The following MYRIP variants were observed in gnomAD, a reference collection of about 807,000 sequenced individuals.
MYRIP encodes rab effector MyRIP.
MYRIP carries 49 observed loss-of-function variants against 98.0 expected under a neutral mutation model. That is an observed-to-expected ratio of 0.50 (90% confidence interval 0.40 to 0.63). The LOEUF is 0.63. Among genes scored for constraint, MYRIP ranks in the 30% least tolerant of loss-of-function variants. The probability of loss-of-function intolerance (pLI) is 0.00; values close to 1 mark genes in which losing one functional copy is unlikely to be tolerated. For missense variants in MYRIP, 1,004 were observed against 1,058.2 expected (o/e 0.95, Z 0.71); for synonymous variants, 404 against 409.5 (o/e 0.99, Z 0.16).
chr3:39,949,360 G>A (rs940228844), intron 2 of MYRIP, among the ~76,000 whole-genome samples: 1 of 152,062 alleles, frequency 6.6e-6, no homozygotes, highest in African/African-American at 2.4e-5. Context: ...AGTGTAAATT[G>A]ATTTTGAGTT....
intron 1 of MYRIP, among the ~76,000 whole-genome samples, chr3:39,853,120 C>T (rs1452531445): frequency 1.3e-5 from 2 of 152,134 alleles, no homozygotes; most frequent in African/African-American, 4.8e-5. Flanking sequence ...TATTTCATAG[C>T]ATATGTATAC....
At chr3:40,083,569 AC>A (rs1301603922) in intron 3 of MYRIP, among the ~76,000 whole-genome samples, 5 of 152,210 alleles carry the variant, frequency 3.3e-5, no homozygotes, top group African/African-American at 1.2e-4. Flanking sequence ...TAGATACCAG[AC>A]CTGGTACACA....
At chr3:39,878,348 C>T (rs1364003716) in intron 1 of MYRIP, among the ~76,000 whole-genome samples, 1 of 152,150 alleles carries the variant, frequency 6.6e-6, no homozygotes, top group Non-Finnish European at 1.5e-5. Context: ...GTGCGCTGCA[C>T]CCACTGCCCT....
intron 2 of MYRIP, among the ~76,000 whole-genome samples, chr3:40,035,814 T>G (rs1343542282): frequency 2.6e-5 from 4 of 151,582 alleles, no homozygotes; most frequent in African/African-American, 9.7e-5. Context: ...GGCACATGAG[T>G]GGAACAGGCA....
intron 2 of MYRIP, among the ~76,000 whole-genome samples, chr3:40,027,035 C>A (rs1226028929): frequency 6.6e-6 from 1 of 152,132 alleles, no homozygotes; most frequent in African/African-American, 2.4e-5. Flanking sequence ...TTAGCTGGCC[C>A]AGCCCTTCCT....
intron 11 of MYRIP, 90 bp downstream of exon 11, chr3:40,210,183 G>A: frequency 6.8e-7 from 1 of 1,467,440 alleles, no homozygotes; most frequent in Non-Finnish European, 9.1e-7. Flanking sequence ...AAGCTGCTGG[G>A]TCCCCAAAGA....
chr3:40,097,553 T>C (rs1471316107), intron 3 of MYRIP, among the ~76,000 whole-genome samples: 1 of 152,018 alleles, frequency 6.6e-6, no homozygotes, highest in Admixed American at 6.5e-5. Flanking sequence ...GAGTAGATCT[T>C]TCTATTCAGA....
intron 5 of MYRIP, among the ~76,000 whole-genome samples, chr3:40,165,756 T>TAAAAAAAAAAAA (rs3063826): frequency 6.9e-6 from 1 of 144,112 alleles, no homozygotes; most frequent in Non-Finnish European, 1.5e-5. Flanking sequence ...TGCCATATCT[T>TAAAAAAAAAAAA]AAAAAAAAAA....
chr3:40,058,241 C>G (rs890054954), intron 3 of MYRIP, among the ~76,000 whole-genome samples: 4 of 152,074 alleles, frequency 2.6e-5, no homozygotes, highest in Non-Finnish European at 5.9e-5. Context: ...GACTTAGGTA[C>G]CTTCTGAAAG....
At chr3:40,003,643 T>C (rs746837925) in intron 2 of MYRIP, among the ~76,000 whole-genome samples, 3 of 152,238 alleles carry the variant, frequency 2.0e-5, no homozygotes, top group Non-Finnish European at 4.4e-5. Context: ...AGAGATTCTA[T>C]ACTTCTGTGG....
At chr3:40,245,913 A>AT (rs55637614) in intron 13 of MYRIP, among the ~76,000 whole-genome samples, 16,358 of 115,584 alleles carry the variant, frequency 0.14, 1,837 homozygotes, top group African/African-American at 0.3. Context: ...CACCCAGCTA[A>AT]TTTTTTTTTT....
chr3:39,931,736 A>C (rs1176205580), intron 2 of MYRIP, among the ~76,000 whole-genome samples: 1 of 152,122 alleles, frequency 6.6e-6, no homozygotes, highest in African/African-American at 2.4e-5. Context: ...GATTTTGTCA[A>C]ATATTTTTTC....
At chr3:40,100,492 C>T (rs919185685) in intron 3 of MYRIP, among the ~76,000 whole-genome samples, 1 of 152,184 alleles carries the variant, frequency 6.6e-6, no homozygotes, top group African/African-American at 2.4e-5. Flanking sequence ...TCTATTTCAA[C>T]AATATGGGTG....
chr3:40,025,788 C>T (rs1044276503), intron 2 of MYRIP, among the ~76,000 whole-genome samples: 8 of 151,996 alleles, frequency 5.3e-5, no homozygotes, highest in African/African-American at 1.4e-4. Context: ...AGGGGGTGTA[C>T]GAACAGGGAG....
intron 2 of MYRIP, among the ~76,000 whole-genome samples, chr3:39,928,997 A>G (rs1471301014): frequency 6.6e-6 from 1 of 151,938 alleles, no homozygotes; most frequent in Non-Finnish European, 1.5e-5. Flanking sequence ...AGATAAACCT[A>G]CAAAAATTCA....
chr3:40,169,827 G>C (rs1950574078), intron 7 of MYRIP, 123 bp from the exon 8 acceptor site: 3 of 1,086,142 alleles, frequency 2.8e-6, no homozygotes, highest in Non-Finnish European at 4.1e-6. Context: ...AAACAGCCTG[G>C]TGTTCTGTTG....
At chr3:40,237,151 T>C (rs1952847781) in intron 12 of MYRIP, among the ~76,000 whole-genome samples, 1 of 152,200 alleles carries the variant, frequency 6.6e-6, no homozygotes, top group Non-Finnish European at 1.5e-5. Context: ...ATCCCATCTC[T>C]ATGAATAAAA....
rs1945577500 is a variant in MYRIP, at chr3:39,971,373, A to C, written c.110+70447A>C. Among the ~76,000 whole-genome samples, 3 of 152,008 alleles carry C rather than the reference A, an allele frequency of 2.0e-5. No homozygotes were observed. In the South Asian group the frequency reaches 6.2e-4, roughly 31 times the overall value. ...TCAGCTCAACAATGCTCCTGTCAAA[A>C]AGGTGTATTGGGGGTGGCATATTAT... On this transcript the variant is annotated intron_variant, in intron 2 of 16. Coordinates refer to ENST00000302541, the MANE Select transcript of MYRIP (RefSeq NM_015460.4).
At chr3:39,974,931 C>A (rs1233475339) in intron 2 of MYRIP, among the ~76,000 whole-genome samples, 1 of 152,150 alleles carries the variant, frequency 6.6e-6, no homozygotes, top group Non-Finnish European at 1.5e-5. Context: ...AACCCACAGT[C>A]AATATCATAC....
Sources: allele counts gnomAD v4.1 joint callset (sites outside exome capture counted in the v4.1 genomes callset), GRCh38; gene constraint gnomAD v4.1.1; transcripts MANE v1.5; gene names NCBI Gene and HGNC (gene_info 2026-07-23, HGNC 2026-07-21).